MAMDC2: variants seen among roughly 807,000 people sequenced by gnomAD.
The protein encoded by MAMDC2 is MAM domain-containing protein 2.
Under a neutral mutation model 89.8 loss-of-function variants are expected in MAMDC2, and 57 were observed. The ratio of observed to expected loss-of-function variants is 0.63; its 90% CI spans 0.51 to 0.79. MAMDC2 has a LOEUF of 0.79. MAMDC2 is among the 30% of genes least tolerant of loss of function. The pLI is 0.00. For synonymous variants in MAMDC2, 313 were observed against 293.4 expected, an observed-to-expected ratio of 1.07 and a Z score of -0.68; for missense variants, 800 against 820.6, an observed-to-expected ratio of 0.97 and a Z score of 0.31.
At chr9:70,161,754 A>G (rs1287297359) in intron 9 of MAMDC2, among the ~76,000 whole-genome samples, 1 of 152,242 alleles carries the variant, frequency 6.6e-6, no homozygotes, top group Non-Finnish European at 1.5e-5. Flanking sequence ...CGTATAGTAT[A>G]TCTTACAGAT....
intron 2 of MAMDC2, among the ~76,000 whole-genome samples, chr9:70,061,336 G>T (rs180791286): frequency 7.9e-5 from 12 of 152,304 alleles, no homozygotes; most frequent in African/African-American, 2.9e-4. Context: ...GCTAGAAGTG[G>T]CAGGGCTGGG....
chr9:70,156,783 G>A (rs937939760), intron 9 of MAMDC2, among the ~76,000 whole-genome samples: 1 of 152,162 alleles, frequency 6.6e-6, no homozygotes, highest in Non-Finnish European at 1.5e-5. Flanking sequence ...ATTCTACATT[G>A]CTTTAAATAT....
chr9:70,168,844 A>G (rs1279050622), intron 10 of MAMDC2, 49 bp downstream of exon 10: 2 of 1,410,744 alleles, frequency 1.4e-6, no homozygotes, highest in African/African-American at 2.8e-5. Context: ...CTATACATAC[A>G]TTTCCTGTAT....
intron 9 of MAMDC2, among the ~76,000 whole-genome samples, chr9:70,149,957 C>A (rs10868610): frequency 0.14 from 20,698 of 152,152 alleles, 1,757 homozygotes; most frequent in African/African-American, 0.23. Flanking sequence ...GGTCCCCCAC[C>A]CTGAAGTGCT....
chr9:70,107,326 T>G (rs1828368772), intron 2 of MAMDC2, among the ~76,000 whole-genome samples: 1 of 150,280 alleles, frequency 6.7e-6, no homozygotes, highest in Non-Finnish European at 1.5e-5. Context: ...ATTAGGAGGG[T>G]AGAGGGAGAA....
At chr9:70,196,964 T>A (rs987989081) in intron 11 of MAMDC2, among the ~76,000 whole-genome samples, 5 of 152,086 alleles carry the variant, frequency 3.3e-5, no homozygotes, top group Admixed American at 2.0e-4. Flanking sequence ...AAAAAAAAAT[T>A]ACTTGGAAGA....
At chr9:70,142,633 G>T (rs2031263246) in intron 8 of MAMDC2, among the ~76,000 whole-genome samples, 1 of 152,116 alleles carries the variant, frequency 6.6e-6, no homozygotes, top group Admixed American at 6.6e-5. Flanking sequence ...GGTGGTTTCT[G>T]GTGAGGGGTC....
intron 11 of MAMDC2, among the ~76,000 whole-genome samples, chr9:70,203,795 T>C (rs2033157756): frequency 7.9e-6 from 1 of 126,210 alleles, no homozygotes; most frequent in African/African-American, 3.0e-5. Flanking sequence ...TCTCGCTTCA[T>C]TTCATTCATT....
At chr9:70,074,483 C>T (rs1827483503) in intron 2 of MAMDC2, among the ~76,000 whole-genome samples, 1 of 152,352 alleles carries the variant, frequency 6.6e-6, no homozygotes, top group South Asian at 2.1e-4. Flanking sequence ...GATGCCTCAC[C>T]TGTCCCAGTG....
At chr9:70,134,325 A>C in intron 7 of MAMDC2, among the ~76,000 whole-genome samples, 1 of 133,668 alleles carries the variant, frequency 7.5e-6, no homozygotes, top group East Asian at 2.4e-4. Flanking sequence ...CCGTGAGACC[A>C]TCCCCCACTT....
chr9:70,044,302 G>T (rs1019615073), intron 1 of MAMDC2, 71 bp downstream of exon 1: 8 of 1,537,362 alleles, frequency 5.2e-6, no homozygotes, highest in Admixed American at 3.4e-5. Flanking sequence ...TGCCCCCGGG[G>T]GTCCGGCTCA....
chr9:70,049,270 G>T lies in MAMDC2; in HGVS notation c.148+4573G>T, dbSNP rs58305401. Among the ~76,000 whole-genome samples, 510 of 152,276 alleles carry T rather than the reference G, an allele frequency of 3.3e-3. 3 individuals are homozygous for T. Among genetic ancestry groups the T allele is most frequent in the African/African-American group, 0.01 (429 of 41,554 alleles). On this transcript the variant is annotated intron_variant, in intron 2 of 13. Transcript: ENST00000377182. ...ATCACGTGTAAATACATGTGTGTTT[G>T]TCTCTCTGATACCCTTTCCTTCACC...
chr9:70,211,384 A>T (rs981213262), intron 11 of MAMDC2, among the ~76,000 whole-genome samples: 1 of 152,054 alleles, frequency 6.6e-6, no homozygotes, highest in Non-Finnish European at 1.5e-5. Flanking sequence ...TTTGATCTTC[A>T]ATCACTGATT....
intron 12 of MAMDC2, among the ~76,000 whole-genome samples, chr9:70,223,617 C>T (rs916340435): frequency 1.3e-5 from 2 of 152,144 alleles, no homozygotes; most frequent in Non-Finnish European, 2.9e-5. Context: ...TGAATATTGC[C>T]ATGTTTCCCT....
chr9:70,127,105 C>T (rs560000745), intron 6 of MAMDC2, among the ~76,000 whole-genome samples: 9 of 152,090 alleles, frequency 5.9e-5, no homozygotes, highest in Admixed American at 1.3e-4. Context: ...TTTCTAAGCC[C>T]GTACATGAAT....
At position 70,191,590 on chromosome 9, in the gene MAMDC2, T is replaced by G. The variant is rs145716701; in HGVS notation, c.1651+20959T>G. 3.7e-3 allele frequency among the ~76,000 whole-genome samples: 569 copies of G among 152,088 alleles called. 3 individuals are homozygous for G. The highest frequency in any genetic ancestry group is 0.013 in the African/African-American group (543 of 41,498). On this transcript the variant is annotated intron_variant, in intron 11 of 13. Transcript: ENST00000377182. ...ATCCTGGGGTGATGGTATTTCCCAC[T>G]AGAGAGAGTTCAACCTGTTCTCCAG...
intron 2 of MAMDC2, among the ~76,000 whole-genome samples, chr9:70,054,579 A>G (rs943547678): frequency 1.4e-5 from 2 of 147,952 alleles, no homozygotes; most frequent in African/African-American, 5.0e-5. Context: ...TGAAAGTTTT[A>G]TTTTTTTTTT....
chr9:70,066,695 G>A lies in MAMDC2; in HGVS notation c.148+21998G>A, dbSNP rs1213164587. On this transcript the variant is annotated intron_variant, in intron 2 of 13. Coordinates refer to ENST00000377182, the MANE Select transcript of MAMDC2 (RefSeq NM_153267.5). ...AGGAAAAGCTATCTTTTTCTAATTG[G>A]CATCCCAGAGTGGGGGTTTTTCTAC... is the stretch of plus-strand genomic sequence containing the variant. 2.0e-5 allele frequency among the ~76,000 whole-genome samples: 3 copies of A among 152,134 alleles called. No individual in the cohort carries two copies. In the South Asian group the frequency reaches 6.2e-4, roughly 31 times the overall value.
intron 9 of MAMDC2, among the ~76,000 whole-genome samples, chr9:70,158,437 T>TTA (rs908016679): frequency 4.0e-4 from 60 of 151,738 alleles, no homozygotes; most frequent in Admixed American, 1.2e-3. Context: ...ATATACCCAT[T>TTA]TATATATATA....
Sources: allele counts gnomAD v4.1 joint callset (sites outside exome capture counted in the v4.1 genomes callset), GRCh38; gene constraint gnomAD v4.1.1; transcripts MANE v1.5; gene names NCBI Gene and HGNC (gene_info 2026-07-23, HGNC 2026-07-21).